KCNH5: variants seen among roughly 807,000 people sequenced by gnomAD.
The protein encoded by KCNH5 is potassium voltage-gated channel subfamily H member 5.
KCNH5 carries 46 observed loss-of-function variants against 96.1 expected under a neutral mutation model. The ratio of observed to expected loss-of-function variants is 0.48; its 90% confidence interval spans 0.38 to 0.61. The LOEUF (loss-of-function observed/expected upper bound fraction) is 0.61. KCNH5 is among the 20% of genes least tolerant of loss of function. KCNH5 has a pLI of 0.00. For missense variants in KCNH5, 907 were observed against 1,225.8 expected (o/e 0.74, Z 3.88); for synonymous variants, 439 against 449.8 (o/e 0.98, Z 0.30).
intron 6 of KCNH5, among the ~76,000 whole-genome samples, chr14:62,980,616 C>T (rs999022054): frequency 5.9e-5 from 9 of 152,158 alleles, no homozygotes; most frequent in African/African-American, 9.7e-5. Flanking sequence ...CAAATGCCGC[C>T]GCTTTTCTTC....
At chr14:62,815,234 T>C (rs1007228264) in intron 8 of KCNH5, among the ~76,000 whole-genome samples, 3 of 152,030 alleles carry the variant, frequency 2.0e-5, no homozygotes, top group African/African-American at 7.2e-5. Flanking sequence ...AATGCAAAAC[T>C]CATTTCTGGT....
intron 9 of KCNH5, 56 bp from the exon 10 acceptor site, chr14:62,779,980 A>C: frequency 7.1e-7 from 1 of 1,413,784 alleles, no homozygotes; most frequent in Non-Finnish European, 9.6e-7. Flanking sequence ...TTATTTAATC[A>C]CTCTTGTTAT....
chr14:62,989,032 T>TACAC (rs903094560), intron 4 of KCNH5, among the ~76,000 whole-genome samples: 5 of 145,572 alleles, frequency 3.4e-5, no homozygotes, highest in Admixed American at 2.0e-4. Flanking sequence ...CACACACACA[T>TACAC]ACACACACAC....
rs566329292 is a variant in KCNH5, at chr14:62,702,606, T to G, written c.*4902A>C. The G allele has an allele frequency of 6.6e-6, 1 of 152,138 alleles. No homozygotes were observed. The highest frequency in any genetic ancestry group is 1.9e-4 in the East Asian group (1 of 5,180). The allele number at this position is 152,138 out of a possible 1,614,324, so 9.4% of individuals were successfully genotyped here. On this transcript the variant is annotated 3_prime_UTR_variant, in exon 11 of 11. Transcript: ENST00000322893. Reference sequence around the variant, plus strand: ...ATAAAATGCTTATCATAGTGAGACCTTGGTAAATATAAGCTTAGTTAACTT... The same window carrying G: ...ATAAAATGCTTATCATAGTGAGACCGTGGTAAATATAAGCTTAGTTAACTT...
chr14:62,872,635 G>A (rs1388821236), intron 7 of KCNH5, among the ~76,000 whole-genome samples: 2 of 152,298 alleles, frequency 1.3e-5, no homozygotes, highest in East Asian at 3.9e-4. Context: ...GGAGGTTGCA[G>A]TGAGCAGATA....
In KCNH5 at chr14:62,950,358, T is replaced by C. The variant is rs1271963536; in HGVS notation, c.1144A>G (p.Thr382Ala). Residue 382 changes from threonine to alanine, a missense_variant, in exon 7 of 11, where the codon ACC becomes GCC. This residue lies in a region of KCNH5 where 370 missense variants were observed against 561.3 expected (regional missense o/e 0.66). Coordinates refer to ENST00000322893, the MANE Select transcript of KCNH5 (RefSeq NM_139318.5). The stretch of plus-strand genomic sequence containing the variant: ...TAGAGCCAACTGTCTATTTGGATGG[T>C]GTTAGTGACTTCATCAATGACCTCG... ...DYEVIDEVTN[T>A]IQIDSWLYQL... 4 of 1,613,870 alleles carry C rather than the reference T, an allele frequency of 2.5e-6. No individual in the cohort carries two copies. The highest frequency in any genetic ancestry group is 3.4e-6 in the Non-Finnish European group (4 of 1,179,968).
intron 10 of KCNH5, among the ~76,000 whole-genome samples, chr14:62,773,101 C>A (rs1353372762): frequency 6.6e-6 from 1 of 152,192 alleles, no homozygotes; most frequent in African/African-American, 2.4e-5. Flanking sequence ...TGACAATCTT[C>A]TTCGAAATGC....
intron 7 of KCNH5, among the ~76,000 whole-genome samples, chr14:62,913,887 A>G (rs1422097332): frequency 6.6e-6 from 1 of 152,190 alleles, no homozygotes; most frequent in African/African-American, 2.4e-5. Context: ...TGAACAGAGA[A>G]GCAACAATGT....
chr14:63,031,861 G>T (rs1891634113), intron 1 of KCNH5, among the ~76,000 whole-genome samples: 1 of 151,914 alleles, frequency 6.6e-6, no homozygotes, highest in Admixed American at 6.6e-5. Context: ...CAATGTTACA[G>T]GCCTTATATA....
rs139858401 is a variant in KCNH5, at chr14:62,969,878, G to A, written c.942+10994C>T. Among the ~76,000 whole-genome samples the A allele has an allele frequency of 2.2e-3, 318 of 143,214 alleles. 1 individual carries two copies. The highest frequency in any genetic ancestry group is 7.6e-3 in the African/African-American group (293 of 38,402). 94.0% of individuals were successfully genotyped at this position (143,214 alleles called of 152,430 possible). A position where few individuals can be genotyped will look rare whatever the true frequency, so the allele number is the denominator to read the frequency against. ...GGAACTCGAGACCACCCTGGGCAAC[G>A]CGGTGAAACCCTGTCTCTATCAAGA... On this transcript the variant is annotated intron_variant, in intron 6 of 10. Transcript: ENST00000322893.
chr14:62,931,867 A>T (rs1159516359), intron 7 of KCNH5, among the ~76,000 whole-genome samples: 1 of 152,128 alleles, frequency 6.6e-6, no homozygotes, highest in Non-Finnish European at 1.5e-5. Context: ...GAAGAGCAGA[A>T]AGTAGGGGTT....
intron 7 of KCNH5, among the ~76,000 whole-genome samples, chr14:62,880,613 T>G (rs1208678281): frequency 6.6e-6 from 1 of 152,166 alleles, no homozygotes; most frequent in Non-Finnish European, 1.5e-5. Flanking sequence ...TCATACATGT[T>G]TAGAACGATA....
At chr14:62,919,441 A>G (rs1386680624) in intron 7 of KCNH5, among the ~76,000 whole-genome samples, 1 of 152,202 alleles carries the variant, frequency 6.6e-6, no homozygotes, top group African/African-American at 2.4e-5. Context: ...ATAAAACGAA[A>G]TTGGAACATT....
At chr14:62,985,700 A>G (rs1890693727) in intron 5 of KCNH5, among the ~76,000 whole-genome samples, 2 of 152,162 alleles carry the variant, frequency 1.3e-5, no homozygotes, top group South Asian at 2.1e-4. Flanking sequence ...TCAGGGTAAC[A>G]TCGTCTAGTC....
intron 9 of KCNH5, among the ~76,000 whole-genome samples, chr14:62,794,764 T>A (rs547477027): frequency 6.6e-6 from 1 of 152,232 alleles, no homozygotes; most frequent in Non-Finnish European, 1.5e-5. Flanking sequence ...GCTCATTTGC[T>A]AATGGAAAAT....
At chr14:62,816,901 C>T (rs990027892) in intron 8 of KCNH5, among the ~76,000 whole-genome samples, 12 of 151,322 alleles carry the variant, frequency 7.9e-5, no homozygotes, top group African/African-American at 2.9e-4. Context: ...CAGATTCTCT[C>T]TTCTTCCTGA....
intron 6 of KCNH5, among the ~76,000 whole-genome samples, chr14:62,956,920 T>A (rs2140135364): frequency 6.6e-6 from 1 of 152,330 alleles, no homozygotes; most frequent in East Asian, 1.9e-4. Context: ...AACTTTCCAA[T>A]CTTTCTGTGC....
intron 7 of KCNH5, among the ~76,000 whole-genome samples, chr14:62,850,993 G>A: frequency 6.6e-6 from 1 of 152,160 alleles, no homozygotes; most frequent in East Asian, 1.9e-4. Context: ...CCCATTTGAT[G>A]GAAGTGGTAT....
intron 10 of KCNH5, among the ~76,000 whole-genome samples, chr14:62,713,266 T>C (rs1333913056): frequency 7.2e-6 from 1 of 138,928 alleles, no homozygotes; most frequent in Non-Finnish European, 1.6e-5. Context: ...AAACAAAGAA[T>C]CAGTGCTATC....
Sources: gnomAD v4.1 joint callset for allele counts (sites outside exome capture counted in the v4.1 genomes callset) on GRCh38, gnomAD v4.1.1 for gene constraint, gnomAD v4.1.1 regional missense constraint, MANE v1.5 for transcripts, NCBI Gene and HGNC (gene_info 2026-07-23, HGNC 2026-07-21) for gene names.